FAM13A: variants seen among roughly 807,000 people sequenced by gnomAD.
FAM13A encodes protein FAM13A.
A neutral mutation model predicts 129.6 loss-of-function variants in FAM13A; 76 were observed. That is an observed-to-expected ratio of 0.59 (90% CI 0.49 to 0.71). The LOEUF is 0.71. Ranked by LOEUF, FAM13A falls within the 30% of genes least tolerant of loss-of-function variation. FAM13A has a pLI of 0.00. For synonymous variants in FAM13A, 443 were observed against 449.9 expected, an observed-to-expected ratio of 0.98 and a Z score of 0.20; for missense variants, 1,108 against 1,249.3, an observed-to-expected ratio of 0.89 and a Z score of 1.70.
chr4:88,762,862 C>T (rs1292073110), intron 13 of FAM13A, among the ~76,000 whole-genome samples: 1 of 152,010 alleles, frequency 6.6e-6, no homozygotes, highest in African/African-American at 2.4e-5. Flanking sequence ...GTTTACATGT[C>T]TAATATCTTC....
At chr4:88,888,791 C>A (rs528770229) in intron 6 of FAM13A, among the ~76,000 whole-genome samples, 17 of 151,154 alleles carry the variant, frequency 1.1e-4, no homozygotes, top group Non-Finnish European at 2.4e-4. Flanking sequence ...AAAAAATTAG[C>A]CGGGTGTGTT....
chr4:88,924,536 C>T (rs551873644), intron 5 of FAM13A, among the ~76,000 whole-genome samples: 1 of 152,248 alleles, frequency 6.6e-6, no homozygotes, highest in Admixed American at 6.5e-5. Flanking sequence ...TTCTTTAAAC[C>T]TTATACAAAA....
At chr4:88,795,260 C>T (rs1725924851) in intron 8 of FAM13A, among the ~76,000 whole-genome samples, 5 of 151,612 alleles carry the variant, frequency 3.3e-5, no homozygotes, top group Admixed American at 2.6e-4. Context: ...AAATATTTAT[C>T]CTCATACCTT....
intron 23 of FAM13A, 200 bp from the exon 24 acceptor site, chr4:88,728,859 C>T (rs1736941740): frequency 1.9e-6 from 1 of 528,212 alleles, no homozygotes; most frequent in Admixed American, 3.3e-5. Context: ...AGGCAACATG[C>T]AACTGAGTTT....
intron 1 of FAM13A, among the ~76,000 whole-genome samples, chr4:89,044,914 T>C (rs1023792707): frequency 6.6e-6 from 1 of 151,484 alleles, no homozygotes; most frequent in Non-Finnish European, 1.5e-5. Context: ...TACCAGGGGC[T>C]GGGAGGTGGG....
intron 1 of FAM13A, among the ~76,000 whole-genome samples, chr4:89,030,084 GA>G (rs1035923779): frequency 1.3e-5 from 2 of 149,646 alleles, no homozygotes; most frequent in Admixed American, 1.3e-4. Context: ...TAAAGTGTCA[GA>G]AAAAAAAATT....
chr4:88,759,130 C>T (rs956046048), intron 13 of FAM13A: 2 of 450,936 alleles, frequency 4.4e-6, no homozygotes, highest in Middle Eastern at 3.0e-4. Flanking sequence ...CTGCTCTTCC[C>T]GATAACTGCA....
At chr4:88,922,819 A>T (rs1409391742) in intron 5 of FAM13A, among the ~76,000 whole-genome samples, 1 of 152,134 alleles carries the variant, frequency 6.6e-6, no homozygotes, top group Admixed American at 6.5e-5. Context: ...TAATAAAGAA[A>T]AAAAGAGAGA....
Position 88,999,832 on chromosome 4 carries a change from C to G in FAM13A, c.428-8682G>C, listed in dbSNP as rs543600466. Among the ~76,000 whole-genome samples the G allele has an allele frequency of 7.2e-5, 11 of 152,292 alleles. No individual in the cohort carries two copies. The South Asian group carries it at 2.3e-3, about 32-fold the overall frequency. On this transcript the variant is annotated intron_variant, in intron 3 of 23. Transcript: ENST00000264344. Reference sequence around the variant, plus strand: ...GGCTTGACAGAGTTAGGGCAGAGCTCTAAGTGGCTAGCAAGCTAATCATCT... The same window carrying G: ...GGCTTGACAGAGTTAGGGCAGAGCTGTAAGTGGCTAGCAAGCTAATCATCT...
intron 5 of FAM13A, among the ~76,000 whole-genome samples, chr4:88,922,843 C>CT (rs1751366156): frequency 1.3e-5 from 2 of 151,916 alleles, no homozygotes; most frequent in Non-Finnish European, 2.9e-5. Flanking sequence ...ATCAAATAGA[C>CT]GCAATAAAAA....
At chr4:88,909,972 A>G (rs1297778368) in intron 5 of FAM13A, among the ~76,000 whole-genome samples, 2 of 152,118 alleles carry the variant, frequency 1.3e-5, no homozygotes, top group African/African-American at 4.8e-5. Flanking sequence ...AAGGTAAGAG[A>G]CCTCGGGTTT....
intron 1 of FAM13A, among the ~76,000 whole-genome samples, chr4:89,039,352 T>C (rs1339003182): frequency 1.3e-5 from 2 of 152,208 alleles, no homozygotes; most frequent in Non-Finnish European, 2.9e-5. Flanking sequence ...TGGATACATG[T>C]CATCATGCAT....
At chr4:88,949,433 T>TA (rs1319009529) in intron 4 of FAM13A, among the ~76,000 whole-genome samples, 1 of 152,158 alleles carries the variant, frequency 6.6e-6, no homozygotes, top group Non-Finnish European at 1.5e-5. Flanking sequence ...CTCCCTTATG[T>TA]AGTTCCTTGC....
intron 6 of FAM13A, among the ~76,000 whole-genome samples, chr4:88,879,818 G>GT (rs1306500424): frequency 2.6e-5 from 4 of 152,124 alleles, no homozygotes; most frequent in African/African-American, 9.7e-5. Flanking sequence ...GAGTCTCCCT[G>GT]TTAATCTAAA....
rs1742161562 is a variant in FAM13A at position 88,749,754 on chromosome 4, T to C, written c.2079+17A>G. ...GGAGAGGATGAGGCGAAAAGAACAGTGTGAGGGGACACTTACTCTGTACTT... is the reference window on the plus strand; with the variant it reads ...GGAGAGGATGAGGCGAAAAGAACAGCGTGAGGGGACACTTACTCTGTACTT... On this transcript the variant is annotated intron_variant, in intron 16 of 23. Coordinates refer to ENST00000264344, the MANE Select transcript of FAM13A (RefSeq NM_014883.4). 2.5e-6 allele frequency: 4 copies of C among 1,613,180 alleles called. No individual in the cohort carries two copies. The highest frequency in any genetic ancestry group is 1.7e-4 in the Middle Eastern group (1 of 6,054).
chr4:88,965,865 C>T (rs1210280274), intron 4 of FAM13A, among the ~76,000 whole-genome samples: 4 of 152,150 alleles, frequency 2.6e-5, no homozygotes, highest in Non-Finnish European at 5.9e-5. Context: ...CGGCAAGGTT[C>T]GTCCATGTTG....
At chr4:88,905,318 G>A (rs1747969512) in intron 6 of FAM13A, among the ~76,000 whole-genome samples, 1 of 151,966 alleles carries the variant, frequency 6.6e-6, no homozygotes, top group African/African-American at 2.4e-5. Flanking sequence ...TGTATTTTTA[G>A]TACAGATGGG....
chr4:88,909,355 T>G (rs1372453157), intron 5 of FAM13A, among the ~76,000 whole-genome samples: 1 of 152,226 alleles, frequency 6.6e-6, no homozygotes, highest in African/African-American at 2.4e-5. Flanking sequence ...GGATATATAT[T>G]GTGTGATTCC....
intron 8 of FAM13A, among the ~76,000 whole-genome samples, chr4:88,803,303 T>C (rs887386125): frequency 2.0e-5 from 3 of 152,350 alleles, no homozygotes; most frequent in South Asian, 4.1e-4. Flanking sequence ...CCAGTATGCA[T>C]ATTCATTCTC....
Sources: allele counts gnomAD v4.1 joint callset (sites outside exome capture counted in the v4.1 genomes callset), GRCh38; gene constraint gnomAD v4.1.1; transcripts MANE v1.5; gene names NCBI Gene and HGNC (gene_info 2026-07-23, HGNC 2026-07-21).